GPC6: variants seen among roughly 807,000 people sequenced by gnomAD.
GPC6 encodes the protein glypican-6.
A neutral mutation model predicts 55.2 loss-of-function variants in GPC6; 14 were observed. The ratio of observed to expected loss-of-function variants is 0.25; its 90% confidence interval spans 0.17 to 0.40. The LOEUF is 0.40. Ranked by LOEUF, GPC6 falls within the 10% of genes least tolerant of loss-of-function variation. The pLI is 1.00. For missense variants in GPC6, 641 were observed against 708.5 expected (o/e 0.90, Z 1.08); for synonymous variants, 278 against 259.6 (o/e 1.07, Z -0.68).
intron 2 of GPC6, among the ~76,000 whole-genome samples, chr13:93,795,751 C>T (rs1235992762): frequency 6.6e-6 from 1 of 152,126 alleles, no homozygotes; most frequent in Non-Finnish European, 1.5e-5. Context: ...TAATTGGGTT[C>T]AAGAAGGCTC....
chr13:94,068,709 T>A (rs2138779589), intron 4 of GPC6, among the ~76,000 whole-genome samples: 1 of 152,232 alleles, frequency 6.6e-6, no homozygotes, highest in Middle Eastern at 3.4e-3. Flanking sequence ...TACAGGCCCC[T>A]TGAAGTCTGA....
At chr13:93,997,782 A>G in intron 3 of GPC6, among the ~76,000 whole-genome samples, 1 of 152,224 alleles carries the variant, frequency 6.6e-6, no homozygotes, top group East Asian at 1.9e-4. Flanking sequence ...TAAATGTTCC[A>G]TAAATGTTGC....
At chr13:93,639,709 C>T (rs534888484) in intron 2 of GPC6, among the ~76,000 whole-genome samples, 20 of 152,170 alleles carry the variant, frequency 1.3e-4, no homozygotes, top group African/African-American at 2.4e-4. Context: ...AATAATTGCC[C>T]GTTTTGTAGA....
At chr13:93,997,196 T>G (rs1467753752) in intron 3 of GPC6, among the ~76,000 whole-genome samples, 1 of 152,210 alleles carries the variant, frequency 6.6e-6, no homozygotes, top group Non-Finnish European at 1.5e-5. Context: ...AATAAGTGAA[T>G]GAATGAATGT....
At chr13:93,943,355 A>G (rs138160862) in intron 3 of GPC6, among the ~76,000 whole-genome samples, 2 of 152,140 alleles carry the variant, frequency 1.3e-5, no homozygotes, top group Non-Finnish European at 2.9e-5. Flanking sequence ...ACCCAATGAG[A>G]TGCGTACCCA....
chr13:93,774,397 A>G (rs1382320753), intron 2 of GPC6, among the ~76,000 whole-genome samples: 1 of 152,144 alleles, frequency 6.6e-6, no homozygotes, highest in African/African-American at 2.4e-5. Flanking sequence ...AATATTAGGG[A>G]CCATATCACA....
At chr13:93,597,026 A>G (rs199811525) in intron 2 of GPC6, among the ~76,000 whole-genome samples, 3,718 of 141,868 alleles carry the variant, frequency 0.026, 144 homozygotes, top group African/African-American at 0.092. Context: ...AAAAAAAAAA[A>G]AAAAGAAAAG....
At chr13:93,275,110 C>G (rs988456522) in intron 1 of GPC6, among the ~76,000 whole-genome samples, 1 of 152,192 alleles carries the variant, frequency 6.6e-6, no homozygotes, top group Non-Finnish European at 1.5e-5. Flanking sequence ...GGGAAAGCCT[C>G]TTCTGATTAT....
At chr13:93,429,182 T>G (rs967013299) in intron 1 of GPC6, among the ~76,000 whole-genome samples, 2 of 152,120 alleles carry the variant, frequency 1.3e-5, no homozygotes, top group Admixed American at 6.6e-5. Context: ...CCAAACACTC[T>G]CCTAAAGCTA....
At chr13:93,935,707 CTG>C (rs1347716791) in intron 3 of GPC6, among the ~76,000 whole-genome samples, 32 of 152,274 alleles carry the variant, frequency 2.1e-4, no homozygotes, top group Admixed American at 6.5e-4. Flanking sequence ...CTGAGGCAGA[CTG>C]TGAAGCAGCC....
chr13:93,446,160 A>G (rs868377464), intron 1 of GPC6, among the ~76,000 whole-genome samples: 4 of 152,320 alleles, frequency 2.6e-5, no homozygotes, highest in Admixed American at 1.3e-4. Flanking sequence ...TCCTAAGGTT[A>G]AACCTTCCAA....
chr13:94,099,680 TG>T (rs1885787920), intron 4 of GPC6, among the ~76,000 whole-genome samples: 1 of 152,200 alleles, frequency 6.6e-6, no homozygotes, highest in African/African-American at 2.4e-5. Context: ...CTTTTTTTAT[TG>T]GAAGGCTGAT....
intron 4 of GPC6, among the ~76,000 whole-genome samples, chr13:94,133,288 A>ACC (rs1555299322): frequency 7.8e-6 from 1 of 127,442 alleles, no homozygotes; most frequent in Non-Finnish European, 1.6e-5. Flanking sequence ...AAAAAAAAAA[A>ACC]AAAACCTTAA....
intron 3 of GPC6, among the ~76,000 whole-genome samples, chr13:94,005,810 C>T (rs577925093): frequency 6.6e-6 from 1 of 152,236 alleles, no homozygotes; most frequent in Non-Finnish European, 1.5e-5. Flanking sequence ...ATGCCATTTT[C>T]TCAAGGAAAA....
intron 6 of GPC6, among the ~76,000 whole-genome samples, chr13:94,361,417 ACGT>A (rs889292329): frequency 3.3e-5 from 5 of 152,210 alleles, no homozygotes; most frequent in African/African-American, 1.2e-4. Flanking sequence ...TCTACAAATT[ACGT>A]AGCTGATCCT....
chr13:94,371,001 T>C (rs1377975001), intron 6 of GPC6, among the ~76,000 whole-genome samples: 2 of 152,212 alleles, frequency 1.3e-5, no homozygotes, highest in Non-Finnish European at 2.9e-5. Context: ...AAAGTTTCTT[T>C]TCAAAAGCTA....
chr13:93,733,578 T>TAA (rs916395080), intron 2 of GPC6, among the ~76,000 whole-genome samples: 1 of 147,034 alleles, frequency 6.8e-6, no homozygotes. Flanking sequence ...AATTTTTATG[T>TAA]AAAAAAAAAA....
rs1415210649 is a variant in GPC6 at position 94,175,984 on chromosome 13, A to C, written c.878-110365A>C. Among the ~76,000 whole-genome samples the C allele has an allele frequency of 9.0e-5, 13 of 144,402 alleles. 1 individual carries two copies. Among genetic ancestry groups the C allele is most frequent in the East Asian group, 3.9e-4 (2 of 5,066 alleles). The allele number at this position is 144,402 out of a possible 152,430, so 94.7% of individuals were successfully genotyped here. A position where few individuals can be genotyped will look rare whatever the true frequency, so the allele number is the denominator to read the frequency against. ...GAGAGAGAGAGAGAGAGAGAGAGAG[A>C]GAGAGAGAGCGAGCTTGTCCAATGG... On this transcript the variant is annotated intron_variant, in intron 4 of 8. Coordinates refer to ENST00000377047, the MANE Select transcript of GPC6 (RefSeq NM_005708.5).
chr13:93,355,769 C>T (rs917931908), intron 1 of GPC6, among the ~76,000 whole-genome samples: 3 of 151,960 alleles, frequency 2.0e-5, no homozygotes, highest in South Asian at 2.1e-4. Context: ...GCAGTCCAGT[C>T]TGGAAATGGT....
Sources: allele counts gnomAD v4.1 joint callset (sites outside exome capture counted in the v4.1 genomes callset), GRCh38; gene constraint gnomAD v4.1.1; transcripts MANE v1.5; gene names NCBI Gene and HGNC (gene_info 2026-07-23, HGNC 2026-07-21).